The following MARCHF1 variants were observed in gnomAD, a reference collection of about 807,000 sequenced individuals.
MARCHF1 encodes the protein E3 ubiquitin-protein ligase MARCHF1.
In MARCHF1, 40 loss-of-function variants were observed where a neutral mutation model predicts 54.2. That is an observed-to-expected ratio of 0.74 (90% confidence interval 0.57 to 0.96). MARCHF1 has a LOEUF of 0.96. Ranked by LOEUF, MARCHF1 falls within the 40% of genes least tolerant of loss-of-function variation. The pLI, the probability that MARCHF1 is intolerant of heterozygous loss-of-function variation, is 0.00. For synonymous variants in MARCHF1, 236 were observed against 236.3 expected (o/e 1.00, Z 0.01); for missense variants, 586 against 656.5 (o/e 0.89, Z 1.17).
chr4:164,237,884 A>G (rs2111198229), intron 1 of MARCHF1, among the ~76,000 whole-genome samples: 1 of 152,198 alleles, frequency 6.6e-6, no homozygotes, highest in South Asian at 2.1e-4. Context: ...TGTATTAACA[A>G]AATGCTAAAA....
At chr4:164,259,410 G>A (rs541049442) in intron 1 of MARCHF1, among the ~76,000 whole-genome samples, 1 of 151,872 alleles carries the variant, frequency 6.6e-6, no homozygotes, top group East Asian at 1.9e-4. Context: ...GGGAGGTAGT[G>A]GTGTGCACCT....
In MARCHF1 at chr4:164,314,866, C is replaced by T. The variant is rs544367373; in HGVS notation, c.-323+69004G>A. ...GTTACTATATTAAGTAAAATAAAAC[C>T]TCCCAGGTCCTATTCTTCTTGTTCA... On this transcript the variant is annotated intron_variant, in intron 1 of 9. Transcript: ENST00000514618. Among the ~76,000 whole-genome samples the T allele has an allele frequency of 9.9e-4, 150 of 152,080 alleles. 4 individuals carry two copies. The South Asian group carries it at 0.03, about 31-fold the overall frequency.
At chr4:164,194,324 T>C (rs535929790) in intron 1 of MARCHF1, among the ~76,000 whole-genome samples, 1 of 152,292 alleles carries the variant, frequency 6.6e-6, no homozygotes, top group South Asian at 2.1e-4. Context: ...CTAAAATTAC[T>C]TTAAGAAACA....
chr4:164,324,917 G>A (rs1735233076), intron 1 of MARCHF1, among the ~76,000 whole-genome samples: 1 of 151,424 alleles, frequency 6.6e-6, no homozygotes, highest in Non-Finnish European at 1.5e-5. Flanking sequence ...TAACTAAAAT[G>A]CCAATAATTT....
intron 2 of MARCHF1, among the ~76,000 whole-genome samples, chr4:164,049,841 T>C (rs534556668): frequency 4.6e-5 from 7 of 152,344 alleles, no homozygotes; most frequent in Admixed American, 4.6e-4. Context: ...GAGGCAGGCA[T>C]ATATTTATAG....
intron 1 of MARCHF1, among the ~76,000 whole-genome samples, chr4:164,257,850 T>C (rs1306027473): frequency 1.3e-5 from 2 of 152,094 alleles, no homozygotes; most frequent in Admixed American, 1.3e-4. Flanking sequence ...GTGCCTGTAG[T>C]CCCAGCTACT....
chr4:164,298,126 A>G (rs550002723), intron 1 of MARCHF1, among the ~76,000 whole-genome samples: 17 of 152,232 alleles, frequency 1.1e-4, no homozygotes, highest in Non-Finnish European at 2.4e-4. Context: ...TGCAATTTTT[A>G]CTCATAAGGA....
intron 2 of MARCHF1, among the ~76,000 whole-genome samples, chr4:164,066,784 T>C (rs745681714): frequency 3.9e-5 from 6 of 152,234 alleles, no homozygotes; most frequent in African/African-American, 9.6e-5. Flanking sequence ...AACCAAATGC[T>C]GCATGTTCTC....
At chr4:164,336,478 A>G (rs1729745116) in intron 1 of MARCHF1, among the ~76,000 whole-genome samples, 1 of 152,234 alleles carries the variant, frequency 6.6e-6, no homozygotes. Flanking sequence ...ATTTTATAAT[A>G]CATTGCAAAA....
intron 8 of MARCHF1, among the ~76,000 whole-genome samples, chr4:163,570,412 A>C (rs886758767): frequency 3.3e-5 from 5 of 152,114 alleles, no homozygotes; most frequent in Admixed American, 3.3e-4. Flanking sequence ...AAAAGTTGAA[A>C]AACTAGGTAT....
rs1553971149 is a variant in MARCHF1, at chr4:164,027,392, A to AAAAAAAAAAAAAAAAAT, written c.-247-38684_-247-38683insATTTTTTTTTTTTTTTT. Among the ~76,000 whole-genome samples, 141 of 59,008 alleles carry AAAAAAAAAAAAAAAAAT rather than the reference A, an allele frequency of 2.4e-3. 54 individuals carry two copies. Among genetic ancestry groups the AAAAAAAAAAAAAAAAAT allele is most frequent in the Non-Finnish European group, 3.5e-3 (104 of 29,978 alleles). 38.7% of individuals were successfully genotyped at this position (59,008 alleles called of 152,430 possible). On this transcript the variant is annotated intron_variant, in intron 2 of 9. Transcript: ENST00000514618. ...AAAAAAAAAAAAAAAAAAAAAAAAA[A>AAAAAAAAAAAAAAAAAT]AGATACATAGATAAATGGATCTATA...
chr4:164,225,974 C>G (rs1239299528), intron 1 of MARCHF1, among the ~76,000 whole-genome samples: 1 of 152,046 alleles, frequency 6.6e-6, no homozygotes, highest in Non-Finnish European at 1.5e-5. Context: ...GGCAATATTA[C>G]TAGTATATCA....
chr4:164,243,477 C>A (rs1432621762), intron 1 of MARCHF1, among the ~76,000 whole-genome samples: 1 of 152,062 alleles, frequency 6.6e-6, no homozygotes, highest in Non-Finnish European at 1.5e-5. Context: ...TGGAAAGGAA[C>A]AACCAGTACC....
At chr4:163,671,374 T>C (rs967919169) in intron 5 of MARCHF1, among the ~76,000 whole-genome samples, 4 of 152,200 alleles carry the variant, frequency 2.6e-5, no homozygotes, top group African/African-American at 7.2e-5. Context: ...AGTACGGGAA[T>C]AGCTGCCAAA....
At chr4:163,986,159 C>A (rs1279239911) in intron 3 of MARCHF1, among the ~76,000 whole-genome samples, 1 of 149,672 alleles carries the variant, frequency 6.7e-6, no homozygotes, top group African/African-American at 2.5e-5. Context: ...ATTATAAGTG[C>A]TTCCCTTTCT....
At chr4:164,185,915 T>C (rs1204131728) in intron 1 of MARCHF1, among the ~76,000 whole-genome samples, 1 of 152,120 alleles carries the variant, frequency 6.6e-6, no homozygotes, top group Admixed American at 6.6e-5. Flanking sequence ...GGTTTTGAGA[T>C]GGAATCTCGC....
intron 1 of MARCHF1, among the ~76,000 whole-genome samples, chr4:164,302,289 C>A (rs1359291859): frequency 1.3e-5 from 2 of 152,264 alleles, no homozygotes; most frequent in African/African-American, 2.4e-5. Flanking sequence ...ATACCTGATT[C>A]ATAAAACACT....
At chr4:164,096,560 T>C (rs868395911) in intron 2 of MARCHF1, among the ~76,000 whole-genome samples, 1 of 137,136 alleles carries the variant, frequency 7.3e-6, no homozygotes, top group Non-Finnish European at 1.6e-5. Context: ...GTATTTCCTG[T>C]ATCTAAAATT....
chr4:163,528,759 C>G lies in MARCHF1; in HGVS notation c.1627G>C (p.Val543Leu), dbSNP rs769783564. The G allele has an allele frequency of 6.2e-7, 1 of 1,609,630 alleles. No homozygotes were observed. The highest frequency in any genetic ancestry group is 2.2e-5 in the East Asian group (1 of 44,844). ...CCCAACAGGTTCCATCAGACTGATA[C>G]AACTTCAGGGGGGCCACCCTCTGCA... is the stretch of plus-strand genomic sequence containing the variant. Reference protein sequence around the residue: ...PSAEGGPPEVVSV With the variant: ...PSAEGGPPEVLSV Residue 543 changes from valine (V) to leucine (L), a missense_variant, in exon 10 of 10, where the codon GTA (valine) becomes CTA (leucine). Physicochemically the swap from Val to Leu is conservative, Grantham distance 32. Transcript: ENST00000514618.
Sources: gnomAD v4.1 joint callset for allele counts (sites outside exome capture counted in the v4.1 genomes callset) on GRCh38, gnomAD v4.1.1 for gene constraint, MANE v1.5 for transcripts, NCBI Gene and HGNC (gene_info 2026-07-23, HGNC 2026-07-21) for gene names.